Variants in LCLAT1 observed in about 807,000 individuals in gnomAD.
The protein encoded by LCLAT1 is 1-AGP acyltransferase 8.
LCLAT1 carries 11 observed loss-of-function variants against 30.7 expected under a neutral mutation model. That is an observed-to-expected ratio of 0.36 (90% CI 0.23 to 0.59). LCLAT1 has a LOEUF of 0.59. Among genes scored for constraint, LCLAT1 ranks in the 20% least tolerant of loss-of-function variants. The pLI is 0.77. For synonymous variants in LCLAT1, 155 were observed against 151.3 expected, an observed-to-expected ratio of 1.02 and a Z score of -0.18; for missense variants, 402 against 458.6, an observed-to-expected ratio of 0.88 and a Z score of 1.13.
At chr2:30,570,702 G>T (rs1252668208) in intron 5 of LCLAT1, among the ~76,000 whole-genome samples, 1 of 152,140 alleles carries the variant, frequency 6.6e-6, no homozygotes, top group Admixed American at 6.5e-5. Flanking sequence ...TAGTGAGCTG[G>T]AATATTTTCT....
intron 2 of LCLAT1, among the ~76,000 whole-genome samples, chr2:30,527,049 T>C (rs1032072452): frequency 1.5e-4 from 23 of 152,208 alleles, no homozygotes; most frequent in Non-Finnish European, 2.8e-4. Flanking sequence ...GGTATTTCTC[T>C]ATATACATAT....
At chr2:30,601,946 A>T (rs921609009) in intron 5 of LCLAT1, among the ~76,000 whole-genome samples, 11 of 151,898 alleles carry the variant, frequency 7.2e-5, no homozygotes, top group Admixed American at 2.6e-4. Context: ...TCCAATAAAG[A>T]AGTAGTATAA....
chr2:30,476,621 G>A (rs533154631), intron 1 of LCLAT1: 11 of 430,082 alleles, frequency 2.6e-5, no homozygotes, highest in East Asian at 7.0e-5. Context: ...AACGCTCGCC[G>A]ATTCTACCAT....
chr2:30,495,613 A>G (rs1237425551), intron 1 of LCLAT1, among the ~76,000 whole-genome samples: 1 of 152,200 alleles, frequency 6.6e-6, no homozygotes, highest in Non-Finnish European at 1.5e-5. Flanking sequence ...TTAGAGGGGT[A>G]GTGCCATTTT....
intron 5 of LCLAT1, among the ~76,000 whole-genome samples, chr2:30,631,293 G>A (rs1668758461): frequency 6.6e-6 from 1 of 152,144 alleles, no homozygotes; most frequent in Non-Finnish European, 1.5e-5. Context: ...AGAAGCCCTA[G>A]ACATACTCCT....
At chr2:30,501,071 T>C (rs1391297800) in intron 1 of LCLAT1, among the ~76,000 whole-genome samples, 1 of 127,466 alleles carries the variant, frequency 7.8e-6, no homozygotes, top group African/African-American at 3.2e-5. Flanking sequence ...TTGTTTTGTT[T>C]TGTTCTGTGT....
At chr2:30,551,852 T>C (rs1664696230) in intron 3 of LCLAT1, among the ~76,000 whole-genome samples, 1 of 152,226 alleles carries the variant, frequency 6.6e-6, no homozygotes, top group South Asian at 2.1e-4. Flanking sequence ...TTTTCATAGG[T>C]ACATAGTAGG....
chr2:30,551,129 C>T (rs1357662913), intron 3 of LCLAT1, among the ~76,000 whole-genome samples: 1 of 152,094 alleles, frequency 6.6e-6, no homozygotes, highest in Non-Finnish European at 1.5e-5. Context: ...TAGGTACATG[C>T]CACCTTGCCT....
At chr2:30,451,368 C>T (rs1368410461) in intron 1 of LCLAT1, among the ~76,000 whole-genome samples, 3 of 152,288 alleles carry the variant, frequency 2.0e-5, no homozygotes, top group African/African-American at 7.2e-5. Flanking sequence ...GCTTTGTCTA[C>T]TCCTACCCGT....
chr2:30,453,073 A>G (rs757457039), intron 1 of LCLAT1, among the ~76,000 whole-genome samples: 2 of 152,152 alleles, frequency 1.3e-5, no homozygotes, highest in Admixed American at 6.5e-5. Flanking sequence ...GGACAAAGAT[A>G]AAGGGAAGAG....
At chr2:30,582,421 A>G (rs890157802) in intron 5 of LCLAT1, among the ~76,000 whole-genome samples, 3 of 152,164 alleles carry the variant, frequency 2.0e-5, no homozygotes, top group Non-Finnish European at 2.9e-5. Context: ...CCTCTTCACA[A>G]TGGCAGTGAT....
intron 5 of LCLAT1, among the ~76,000 whole-genome samples, chr2:30,603,338 A>C (rs532582766): frequency 4.6e-5 from 7 of 152,284 alleles, no homozygotes; most frequent in African/African-American, 1.4e-4. Context: ...GACAGATCAT[A>C]ATCATCATTA....
chr2:30,538,860 A>G (rs996188689), intron 3 of LCLAT1, among the ~76,000 whole-genome samples: 7 of 152,126 alleles, frequency 4.6e-5, no homozygotes, highest in African/African-American at 1.7e-4. Context: ...CAGACCAATA[A>G]CAAGTAATGA....
intron 3 of LCLAT1, among the ~76,000 whole-genome samples, chr2:30,545,494 C>A (rs532208644): frequency 6.6e-6 from 1 of 151,964 alleles, no homozygotes; most frequent in Non-Finnish European, 1.5e-5. Context: ...ATAGAAAGTT[C>A]TTTTCTTAAA....
At chr2:30,638,863 T>TCTCCCACATCCAGTTGGCCACTGTACTG (rs1192664329) in intron 5 of LCLAT1, among the ~76,000 whole-genome samples, 1 of 147,734 alleles carries the variant, frequency 6.8e-6, no homozygotes, top group African/African-American at 2.6e-5. Context: ...GTCACATCCG[T>TCTCCCACATCCAGTTGGCCACTGTACTG]TCTTCCTTGT....
At chr2:30,516,841 C>T (rs1455811994) in intron 1 of LCLAT1, among the ~76,000 whole-genome samples, 3 of 152,218 alleles carry the variant, frequency 2.0e-5, no homozygotes, top group African/African-American at 7.2e-5. Context: ...AAATGATTAG[C>T]ATGGCTGCTG....
At chr2:30,486,611 G>A (rs748596747) in intron 1 of LCLAT1, among the ~76,000 whole-genome samples, 11 of 152,130 alleles carry the variant, frequency 7.2e-5, no homozygotes, top group Non-Finnish European at 1.3e-4. Flanking sequence ...ATCCTCTAGT[G>A]GCAGAGACTA....
intron 5 of LCLAT1, among the ~76,000 whole-genome samples, chr2:30,602,030 TGACA>T (rs1217663399): frequency 6.6e-6 from 1 of 152,106 alleles, no homozygotes; most frequent in Non-Finnish European, 1.5e-5. Flanking sequence ...AAGAGGCATT[TGACA>T]GACTTTCCTT....
chr2:30,626,786 A>G (rs1481187380), intron 5 of LCLAT1, among the ~76,000 whole-genome samples: 1 of 151,034 alleles, frequency 6.6e-6, no homozygotes, highest in Admixed American at 6.6e-5. Flanking sequence ...TTTTCTTTCT[A>G]TTGCAGTCTT....
Sources: gnomAD v4.1 joint callset for allele counts (sites outside exome capture counted in the v4.1 genomes callset) on GRCh38, gnomAD v4.1.1 for gene constraint, MANE v1.5 for transcripts, NCBI Gene and HGNC (gene_info 2026-07-23, HGNC 2026-07-21) for gene names.